Variants in RBFOX1 observed in about 807,000 individuals in gnomAD.
RBFOX1 encodes the protein RNA binding fox-1 homolog 1.
RBFOX1 carries 8 observed loss-of-function variants against 57.7 expected under a neutral mutation model. The ratio of observed to expected loss-of-function variants is 0.14; its 90% CI spans 0.08 to 0.25. The LOEUF is 0.25. Among genes scored for constraint, RBFOX1 ranks in the 10% least tolerant of loss-of-function variants. RBFOX1 has a pLI of 1.00. For synonymous variants in RBFOX1, 326 were observed against 222.4 expected (o/e 1.47, Z -4.15); for missense variants, 611 against 548.5 (o/e 1.11, Z -1.14).
chr16:6,988,277 TA>T (rs2090727872), intron 3 of RBFOX1, among the ~76,000 whole-genome samples: 1 of 152,186 alleles, frequency 6.6e-6, no homozygotes, highest in African/African-American at 2.4e-5. Flanking sequence ...AGCAAAGCCC[TA>T]TAGACCTTTA....
At chr16:6,650,753 G>A (rs999182050) in intron 2 of RBFOX1, among the ~76,000 whole-genome samples, 2 of 152,122 alleles carry the variant, frequency 1.3e-5, no homozygotes, top group Non-Finnish European at 2.9e-5. Flanking sequence ...AGAATTTGCT[G>A]TGTTTACTAA....
chr16:5,494,299 G>A (rs150640678), intron 2 of RBFOX1, among the ~76,000 whole-genome samples: 209 of 152,290 alleles, frequency 1.4e-3, no homozygotes, highest in Middle Eastern at 3.4e-3. Context: ...AATCTGCAGC[G>A]TATGTGACCT....
intron 3 of RBFOX1, among the ~76,000 whole-genome samples, chr16:6,692,102 A>T: frequency 6.6e-6 from 1 of 152,228 alleles, no homozygotes; most frequent in Non-Finnish European, 1.5e-5. Flanking sequence ...ATAAACGAGT[A>T]GTTATTTTAA....
chr16:5,472,506 G>A (rs1188216252), intron 2 of RBFOX1, among the ~76,000 whole-genome samples: 1 of 152,180 alleles, frequency 6.6e-6, no homozygotes, highest in African/African-American at 2.4e-5. Context: ...GACTGACTGG[G>A]GAGTATTTGC....
chr16:6,384,284 T>G (rs939787922), intron 2 of RBFOX1, among the ~76,000 whole-genome samples: 1 of 152,198 alleles, frequency 6.6e-6, no homozygotes, highest in East Asian at 1.9e-4. Flanking sequence ...GTTTGAAATG[T>G]GATTTGAATC....
intron 4 of RBFOX1, among the ~76,000 whole-genome samples, chr16:7,179,951 C>T (rs891179020): frequency 2.0e-5 from 3 of 151,772 alleles, no homozygotes; most frequent in African/African-American, 7.3e-5. Context: ...CCATGTTTGC[C>T]AGGCAGATCT....
At chr16:6,354,689 C>T (rs1363778407) in intron 2 of RBFOX1, among the ~76,000 whole-genome samples, 1 of 152,146 alleles carries the variant, frequency 6.6e-6, no homozygotes, top group African/African-American at 2.4e-5. Context: ...AGTTTTTGCA[C>T]AGGCCGTTCC....
rs537956016 is a variant in RBFOX1, at chr16:5,715,408, ACAT to A, written c.318+116448_318+116450del. Reference sequence around the variant, plus strand: ...ACTCAAGGATGGGGACATTCAGTTGACATGCACCACATTGAAGGATATTTATGG... The same window carrying A: ...ACTCAAGGATGGGGACATTCAGTTGAGCACCACATTGAAGGATATTTATGG... On this transcript the variant is annotated intron_variant, in intron 3 of 19. Coordinates refer to the RBFOX1 transcript ENST00000641259. Among the ~76,000 whole-genome samples, 14 of 152,314 alleles carry A rather than the reference ACAT, an allele frequency of 9.2e-5. No homozygotes were observed. The South Asian group carries it at 2.7e-3, about 29-fold the overall frequency.
At chr16:6,830,105 C>G (rs754992120) in intron 3 of RBFOX1, among the ~76,000 whole-genome samples, 1 of 150,746 alleles carries the variant, frequency 6.6e-6, no homozygotes, top group African/African-American at 2.4e-5. Flanking sequence ...TTAATGGAGA[C>G]AAGGTTTTAC....
chr16:6,460,245 C>G (rs139791677), intron 2 of RBFOX1, among the ~76,000 whole-genome samples: 1 of 151,906 alleles, frequency 6.6e-6, no homozygotes, highest in Non-Finnish European at 1.5e-5. Context: ...CCATCTTTTC[C>G]CTGTGTTTTT....
At chr16:6,839,161 T>A (rs1026776661) in intron 3 of RBFOX1, among the ~76,000 whole-genome samples, 6 of 151,812 alleles carry the variant, frequency 4.0e-5, no homozygotes, top group Non-Finnish European at 7.4e-5. Context: ...ATTTTTGTAT[T>A]TCTTGTAGAG....
chr16:6,360,678 A>G (rs1444873681), intron 2 of RBFOX1, among the ~76,000 whole-genome samples: 1 of 152,194 alleles, frequency 6.6e-6, no homozygotes, highest in African/African-American at 2.4e-5. Context: ...AATTATCTGA[A>G]ATAATCATCA....
chr16:7,225,953 A>G (rs566073082), intron 4 of RBFOX1, among the ~76,000 whole-genome samples: 10 of 148,762 alleles, frequency 6.7e-5, no homozygotes, highest in Non-Finnish European at 1.0e-4. Flanking sequence ...GATGGGTGTC[A>G]GGAATAGCTG....
intron 10 of RBFOX1, among the ~76,000 whole-genome samples, chr16:7,608,985 A>T (rs1374843800): frequency 6.6e-6 from 1 of 152,146 alleles, no homozygotes; most frequent in Non-Finnish European, 1.5e-5. Context: ...GATCGGGGGC[A>T]TGGCAGTTTA....
At chr16:7,060,973 G>T (rs1282555126) in intron 4 of RBFOX1, among the ~76,000 whole-genome samples, 1 of 152,160 alleles carries the variant, frequency 6.6e-6, no homozygotes. Context: ...GAACCCTCAG[G>T]ATTCAGGCCT....
At chr16:7,029,081 TACACACACACACAC>T (rs71147635) in intron 3 of RBFOX1, among the ~76,000 whole-genome samples, 25,006 of 48,010 alleles carry the variant, frequency 0.52, 7,205 homozygotes, top group South Asian at 0.68. Context: ...TATATATATA[TACACACACACACAC>T]ACACACACAC....
At position 6,338,506 on chromosome 16, in the gene RBFOX1, C is replaced by T. The variant is rs543287104; in HGVS notation, c.-64+21449C>T. ...TTATTAATAGTAGTTTGAAAACTAA[C>T]ACAGTTCAAGCAAAAACAAATTCTC... On this transcript the variant is annotated intron_variant, in intron 2 of 15. Transcript: ENST00000550418. Among the ~76,000 whole-genome samples, 17 of 152,272 alleles carry T rather than the reference C, an allele frequency of 1.1e-4. No homozygotes were observed. In the East Asian group the frequency reaches 3.3e-3, roughly 29 times the overall value.
chr16:5,570,141 G>C (rs947306664), intron 2 of RBFOX1, among the ~76,000 whole-genome samples: 5 of 152,066 alleles, frequency 3.3e-5, no homozygotes, highest in African/African-American at 1.2e-4. Flanking sequence ...CCAAATATTC[G>C]GAGGTTTATT....
At chr16:5,268,190 C>T (rs1452112121) in intron 1 of RBFOX1, among the ~76,000 whole-genome samples, 1 of 152,192 alleles carries the variant, frequency 6.6e-6, no homozygotes, top group Non-Finnish European at 1.5e-5. Context: ...CTTCATCCTG[C>T]AGCCTCTACT....
Sources: gnomAD v4.1 joint callset for allele counts (sites outside exome capture counted in the v4.1 genomes callset) on GRCh38, gnomAD v4.1.1 for gene constraint, MANE v1.5 for transcripts, NCBI Gene and HGNC (gene_info 2026-07-23, HGNC 2026-07-21) for gene names.